CYP4F2: variants seen among roughly 807,000 people sequenced by gnomAD.
CYP4F2 encodes cytochrome P450 4F2.
Under a neutral mutation model 58.9 loss-of-function variants are expected in CYP4F2, and 58 were observed. The observed-to-expected ratio is 0.98, with a 90% confidence interval of 0.80 to 1.23. CYP4F2 has a LOEUF of 1.23. Among genes scored for constraint, CYP4F2 ranks in the 50% most tolerant of loss-of-function variants. The pLI is 0.00. For missense variants in CYP4F2, 616 were observed against 685.6 expected (o/e 0.90, Z 1.13); for synonymous variants, 287 against 261.1 (o/e 1.10, Z -0.95).
At position 15,878,859 on chromosome 19, in the gene CYP4F2, A is replaced by C. The variant is rs772809433; in HGVS notation, c.1475T>G (p.Leu492Arg). The C allele has an allele frequency of 6.2e-7, 1 of 1,614,052 alleles. No individual in the cohort carries two copies. Among genetic ancestry groups the C allele is most frequent in the South Asian group, 1.1e-5 (1 of 91,066 alleles). The change falls in exon 13 of 13, where the codon CTG (leucine) becomes CGG (arginine). Residue 492 changes from leucine (L) to arginine (R), a missense_variant. Leu to Arg is a moderately radical substitution (Grantham distance 102, BLOSUM62 -2). Transcript: ENST00000221700. ...LALTLLRFRVLPDHTEPRRKP... is the reference protein window; with the variant it reads ...LALTLLRFRVRPDHTEPRRKP... ...CCTGCGGGGCTCGGTGTGGTCAGGC[A>C]GGACGCGGAAGCGCAGCAGCGTGAG...
intron 9 of CYP4F2, among the ~76,000 whole-genome samples, chr19:15,881,929 C>A (rs1222503889): frequency 6.6e-6 from 1 of 152,082 alleles, no homozygotes; most frequent in Non-Finnish European, 1.5e-5. Context: ...ATCTTGGGAC[C>A]TAAAATAGTC....
Position 15,897,411 on chromosome 19 carries a change from C to T in CYP4F2, c.198+3G>A. 6.2e-7 allele frequency: 1 copy of T among 1,605,756 alleles called. No individual in the cohort carries two copies. Among genetic ancestry groups the T allele is most frequent in the Non-Finnish European group, 8.5e-7 (1 of 1,175,214 alleles). ...CCTAGACCCATCCTGCTGCCACACT[C>T]ACCATGCCCTGGTGTCCCCAAAACC... On this transcript the variant is annotated splice_donor_region_variant and intron_variant, in intron 2 of 12. Transcript: ENST00000221700.
intron 12 of CYP4F2, 147 bp downstream of exon 12, chr19:15,879,199 A>C (rs987437077): frequency 2.1e-4 from 280 of 1,310,970 alleles, no homozygotes; most frequent in Non-Finnish European, 2.8e-4. Context: ...ACCGTACTCT[A>C]TGGACCTTTT....
intron 9 of CYP4F2, among the ~76,000 whole-genome samples, chr19:15,880,520 C>T (rs546357184): frequency 3.3e-5 from 5 of 151,762 alleles, no homozygotes; most frequent in Admixed American, 1.3e-4. Context: ...CCCAGCTACT[C>T]GGGAGGCTGA....
chr19:15,878,589 T>C lies in CYP4F2; in HGVS notation c.*182A>G. Reference sequence around the variant, plus strand: ...GTTTTCATCGTTTGGCTACTGTGAATAGGGCCGCCATGAACATTCACGCAC... The same window carrying C: ...GTTTTCATCGTTTGGCTACTGTGAACAGGGCCGCCATGAACATTCACGCAC... On this transcript the variant is annotated 3_prime_UTR_variant, in exon 13 of 13. Coordinates refer to ENST00000221700, the MANE Select transcript of CYP4F2 (RefSeq NM_001082.5). The C allele has an allele frequency of 2.0e-6, 2 of 978,310 alleles. No individual in the cohort carries two copies. The highest frequency in any genetic ancestry group is 1.5e-6 in the Non-Finnish European group (1 of 678,674). 60.6% of individuals were successfully genotyped at this position (978,310 alleles called of 1,614,324 possible).
chr19:15,897,799 CTCCAGT>C, intron 1 of CYP4F2, 187 bp from the exon 2 acceptor site: 1 of 629,496 alleles, frequency 1.6e-6, no homozygotes, highest in South Asian at 2.0e-5. Context: ...GCCAAGTGGC[CTCCAGT>C]TCCCTAGTAA....
intron 7 of CYP4F2, 168 bp from the exon 8 acceptor site, chr19:15,886,476 C>G: frequency 1.2e-6 from 1 of 807,902 alleles, no homozygotes; most frequent in Non-Finnish European, 1.9e-6. Context: ...ATGGCCAGAG[C>G]CCTCACCTCA....
At chr19:15,895,481 C>A (rs2145015288) in intron 3 of CYP4F2, 25 bp downstream of exon 3, 5 of 1,478,280 alleles carry the variant, frequency 3.4e-6, no homozygotes, top group Non-Finnish European at 4.5e-6. Context: ...AAATGCACTG[C>A]CCCACCAGCT....
chr19:15,882,772 A>G (rs1453062633), intron 9 of CYP4F2, among the ~76,000 whole-genome samples: 1 of 152,248 alleles, frequency 6.6e-6, no homozygotes, highest in Non-Finnish European at 1.5e-5. Context: ...TAAGAAAAAT[A>G]GATCTCAGAG....
At position 15,878,950 on chromosome 19, in the gene CYP4F2, G is replaced by A. The variant is rs557462046; in HGVS notation, c.1398-14C>T. The A allele has an allele frequency of 3.9e-5, 63 of 1,611,530 alleles. No individual in the cohort carries two copies. The South Asian group carries it at 6.6e-4, about 17-fold the overall frequency. On this transcript the variant is annotated splice_polypyrimidine_tract_variant and intron_variant, in intron 12 of 12. Transcript: ENST00000221700. ...CCGATGCAGTTCCTAGGGGAGGGAG[G>A]TGGGAACTCTGACTGCACCCAGGAG...
chr19:15,887,151 A>G (rs2089385041), intron 7 of CYP4F2, among the ~76,000 whole-genome samples: 1 of 152,222 alleles, frequency 6.6e-6, no homozygotes. Context: ...ACACAGACAC[A>G]CAAATACACA....
intron 9 of CYP4F2, among the ~76,000 whole-genome samples, chr19:15,881,181 A>T (rs749772364): frequency 9.2e-5 from 14 of 152,230 alleles, no homozygotes; most frequent in Non-Finnish European, 1.9e-4. Flanking sequence ...GCTGGAAGGT[A>T]AATCAGTACA....
intron 5 of CYP4F2, 79 bp from the exon 6 acceptor site, chr19:15,890,512 G>T (rs889340207): frequency 6.3e-7 from 1 of 1,579,832 alleles, no homozygotes; most frequent in Non-Finnish European, 8.6e-7. Context: ...GCCAAGATGG[G>T]CTCCCCAGAA....
intron 5 of CYP4F2, among the ~76,000 whole-genome samples, chr19:15,891,624 G>A (rs571143365): frequency 2.9e-4 from 44 of 152,136 alleles, no homozygotes; most frequent in Admixed American, 2.0e-3. Flanking sequence ...TTTGGCTTTC[G>A]ATGTCAAAAT....
intron 9 of CYP4F2, among the ~76,000 whole-genome samples, chr19:15,883,679 G>A (rs1462278266): frequency 1.3e-5 from 2 of 152,202 alleles, no homozygotes; most frequent in African/African-American, 4.8e-5. Context: ...CTGTTGAAGA[G>A]ATATCTATAC....
chr19:15,880,412 A>G (rs2089336896), intron 9 of CYP4F2, among the ~76,000 whole-genome samples: 1 of 152,134 alleles, frequency 6.6e-6, no homozygotes, highest in Admixed American at 6.5e-5. Context: ...GTGGATCACA[A>G]CATGAGGAGA....
intron 9 of CYP4F2, among the ~76,000 whole-genome samples, chr19:15,885,429 G>C (rs1367855103): frequency 6.6e-6 from 1 of 152,126 alleles, no homozygotes; most frequent in African/African-American, 2.4e-5. Flanking sequence ...ACAGATGTGG[G>C]GGTGAAAATG....
At chr19:15,880,243 C>T (rs2089335505) in intron 9 of CYP4F2, among the ~76,000 whole-genome samples, 1 of 151,746 alleles carries the variant, frequency 6.6e-6, no homozygotes, top group South Asian at 2.1e-4. Context: ...TGAATATGCT[C>T]AAGATGGTAG....
intron 9 of CYP4F2, among the ~76,000 whole-genome samples, chr19:15,880,316 A>C (rs1245514093): frequency 6.6e-6 from 1 of 152,118 alleles, no homozygotes; most frequent in African/African-American, 2.4e-5. Context: ...AATATTTTGC[A>C]ACCCAAGACA....
Sources: allele counts gnomAD v4.1 joint callset (sites outside exome capture counted in the v4.1 genomes callset), GRCh38; gene constraint gnomAD v4.1.1; transcripts MANE v1.5; gene names NCBI Gene and HGNC (gene_info 2026-07-23, HGNC 2026-07-21).